GLCE: variants seen among roughly 807,000 people sequenced by gnomAD.
GLCE encodes glucuronic acid epimerase.
A neutral mutation model predicts 47.9 loss-of-function variants in GLCE; 19 were observed. The observed-to-expected ratio is 0.40, with a 90% confidence interval of 0.28 to 0.58. The LOEUF (loss-of-function observed/expected upper bound fraction) is 0.58. Ranked by LOEUF, GLCE falls within the 20% of genes least tolerant of loss-of-function variation. The probability of loss-of-function intolerance (pLI) is 0.48; values close to 1 mark genes in which losing one functional copy is unlikely to be tolerated. For synonymous variants in GLCE, 245 were observed against 263.4 expected (o/e 0.93, Z 0.68); for missense variants, 556 against 743.3 (o/e 0.75, Z 2.93).
In GLCE at chr15:69,217,439, T is replaced by C. The variant is rs145037010; in HGVS notation, c.-14+7033T>C. ...TATATATTTTATTTCCTTTTTCCCT[T>C]CTCTTGAAAAGCAGGAAAAAAAAGA... On this transcript the variant is annotated intron_variant, in intron 2 of 4. Coordinates refer to ENST00000261858, the MANE Select transcript of GLCE (RefSeq NM_015554.3). 5.8e-4 allele frequency among the ~76,000 whole-genome samples: 88 copies of C among 151,728 alleles called. 1 individual carries two copies. The highest frequency in any genetic ancestry group is 3.7e-3 in the Admixed American group (56 of 15,266).
rs60530662 is a variant in GLCE at position 69,171,435 on chromosome 15, C to T, written c.-105+10678C>T. On this transcript the variant is annotated intron_variant, in intron 1 of 4. Coordinates refer to ENST00000261858, the MANE Select transcript of GLCE (RefSeq NM_015554.3). Reference sequence around the variant, plus strand: ...TTTTTGAGATGGAGTCTCGCACTGTCGCCCGGGCTGGAGTGCAATGGCATG... The same window carrying T: ...TTTTTGAGATGGAGTCTCGCACTGTTGCCCGGGCTGGAGTGCAATGGCATG... Among the ~76,000 whole-genome samples, 1,314 of 149,150 alleles carry T rather than the reference C, an allele frequency of 8.8e-3. 14 individuals carry two copies. Among genetic ancestry groups the T allele is most frequent in the African/African-American group, 0.031 (1,240 of 40,458 alleles).
intron 2 of GLCE, among the ~76,000 whole-genome samples, chr15:69,244,845 T>C (rs1595778874): frequency 6.6e-6 from 1 of 152,354 alleles, no homozygotes; most frequent in South Asian, 2.1e-4. Context: ...AGTCTTTTCA[T>C]CTATGAAATT....
chr15:69,251,333 T>C (rs2052841560), intron 2 of GLCE, among the ~76,000 whole-genome samples: 1 of 152,228 alleles, frequency 6.6e-6, no homozygotes, highest in East Asian at 1.9e-4. Flanking sequence ...AGTTGACCAC[T>C]GAATTAGGGT....
intron 2 of GLCE, among the ~76,000 whole-genome samples, chr15:69,233,329 G>T (rs1238087762): frequency 1.3e-5 from 2 of 152,134 alleles, no homozygotes; most frequent in Non-Finnish European, 2.9e-5. Flanking sequence ...GGAGAAAAGA[G>T]AAATCAAAAT....
intron 1 of GLCE, among the ~76,000 whole-genome samples, chr15:69,167,258 T>C (rs1412528643): frequency 1.3e-5 from 2 of 152,106 alleles, no homozygotes; most frequent in African/African-American, 4.8e-5. Flanking sequence ...AAACTATTGC[T>C]TGAAAGGGAT....
intron 2 of GLCE, among the ~76,000 whole-genome samples, chr15:69,246,499 C>T (rs538118730): frequency 2.0e-4 from 31 of 152,020 alleles, no homozygotes; most frequent in East Asian, 5.8e-4. Flanking sequence ...GGGTGGATCA[C>T]GAGTTCAGGA....
intron 1 of GLCE, among the ~76,000 whole-genome samples, chr15:69,204,574 C>A (rs1566955230): frequency 6.6e-6 from 1 of 152,046 alleles, no homozygotes; most frequent in Non-Finnish European, 1.5e-5. Flanking sequence ...CATGAGCCAC[C>A]TTGCCTGGCC....
chr15:69,241,291 G>A (rs2052668272), intron 2 of GLCE, among the ~76,000 whole-genome samples: 1 of 152,186 alleles, frequency 6.6e-6, no homozygotes, highest in African/African-American at 2.4e-5. Context: ...GTTGTTTGAT[G>A]AAGAAGCAAC....
intron 1 of GLCE, among the ~76,000 whole-genome samples, chr15:69,206,826 C>A (rs2052158842): frequency 6.6e-6 from 1 of 151,944 alleles, no homozygotes; most frequent in South Asian, 2.1e-4. Context: ...CTTGTTGATG[C>A]AGGGGTATCA....
At chr15:69,183,399 A>G (rs1388419920) in intron 1 of GLCE, among the ~76,000 whole-genome samples, 2 of 152,206 alleles carry the variant, frequency 1.3e-5, no homozygotes, top group Non-Finnish European at 2.9e-5. Context: ...GAGAAAGAAT[A>G]GAAGCTTTTA....
chr15:69,222,185 G>A (rs536501394), intron 2 of GLCE, among the ~76,000 whole-genome samples: 1 of 152,296 alleles, frequency 6.6e-6, no homozygotes, highest in Admixed American at 6.5e-5. Context: ...CTGAGCCCAG[G>A]CTGGGCTAGA....
intron 2 of GLCE, among the ~76,000 whole-genome samples, chr15:69,238,879 A>C (rs140489685): frequency 3.3e-5 from 5 of 152,378 alleles, no homozygotes; most frequent in African/African-American, 4.8e-5. Flanking sequence ...AATGCCCTGC[A>C]TCTTCAAGGA....
intron 1 of GLCE, among the ~76,000 whole-genome samples, chr15:69,202,496 T>A (rs1009964687): frequency 6.6e-6 from 1 of 152,256 alleles, no homozygotes; most frequent in Non-Finnish European, 1.5e-5. Flanking sequence ...GGGTCTACCC[T>A]TCATGGAAAA....
At chr15:69,250,662 C>T (rs1320001308) in intron 2 of GLCE, among the ~76,000 whole-genome samples, 1 of 151,900 alleles carries the variant, frequency 6.6e-6, no homozygotes, top group Non-Finnish European at 1.5e-5. Context: ...GTTCTCTACT[C>T]CCGGGAGGTC....
intron 2 of GLCE, among the ~76,000 whole-genome samples, chr15:69,222,196 G>A (rs1457167931): frequency 6.6e-6 from 1 of 152,218 alleles, no homozygotes; most frequent in Admixed American, 6.5e-5. Flanking sequence ...CTGGGCTAGA[G>A]GGGCTGAGGT....
intron 2 of GLCE, among the ~76,000 whole-genome samples, chr15:69,224,351 A>G (rs1023285470): frequency 6.6e-6 from 1 of 152,198 alleles, no homozygotes; most frequent in Non-Finnish European, 1.5e-5. Flanking sequence ...TTTCCTGGAC[A>G]TGCATGATCA....
chr15:69,178,681 GAT>G (rs767978444), intron 1 of GLCE, among the ~76,000 whole-genome samples: 9 of 152,102 alleles, frequency 5.9e-5, no homozygotes, highest in Non-Finnish European at 1.2e-4. Context: ...CACTGGCAAA[GAT>G]ATCTAGAATC....
At chr15:69,238,012 A>G (rs946444783) in intron 2 of GLCE, among the ~76,000 whole-genome samples, 13 of 152,234 alleles carry the variant, frequency 8.5e-5, no homozygotes, top group African/African-American at 3.1e-4. Context: ...ACAGTACTTC[A>G]AAGAACATTT....
intron 1 of GLCE, among the ~76,000 whole-genome samples, chr15:69,210,023 T>C (rs1291613020): frequency 6.6e-6 from 1 of 152,038 alleles, no homozygotes; most frequent in Admixed American, 6.6e-5. Context: ...CCCCTTTCCC[T>C]CTCTCAAGCC....
Sources: allele counts gnomAD v4.1 joint callset (sites outside exome capture counted in the v4.1 genomes callset), GRCh38; gene constraint gnomAD v4.1.1; transcripts MANE v1.5; gene names NCBI Gene and HGNC (gene_info 2026-07-23, HGNC 2026-07-21).